GLIS3: variants seen among roughly 807,000 people sequenced by gnomAD.
GLIS3 encodes the protein zinc finger protein GLIS3.
GLIS3 carries 53 observed loss-of-function variants against 78.6 expected under a neutral mutation model. The observed-to-expected ratio is 0.67, with a 90% CI of 0.54 to 0.85. GLIS3 has a LOEUF of 0.85. GLIS3 is among the 40% of genes least tolerant of loss of function. The pLI, the probability that GLIS3 is intolerant of heterozygous loss-of-function variation, is 0.00. For missense variants in GLIS3, 1,703 were observed against 1,231.1 expected (o/e 1.38, Z -5.74); for synonymous variants, 684 against 509.9 (o/e 1.34, Z -4.60).
At chr9:4,484,494 C>T in the GLIS3 span, among the ~76,000 whole-genome samples, 12 of 134,626 alleles carry the variant, frequency 8.9e-5, no homozygotes, top group Admixed American at 3.6e-4. Flanking sequence ...TCTCAGCTCA[C>T]CTTAACCTCT....
chr9:4,482,168 G>A, the GLIS3 span, among the ~76,000 whole-genome samples: 1 of 152,182 alleles, frequency 6.6e-6, no homozygotes. Context: ...GAGGCAGACA[G>A]AGAACTTTTC....
chr9:3,831,600 A>G (rs576295655), intron 9 of GLIS3, among the ~76,000 whole-genome samples: 3 of 152,340 alleles, frequency 2.0e-5, no homozygotes, highest in East Asian at 1.9e-4. Flanking sequence ...CTATTGGATT[A>G]AGGAAATACA....
chr9:3,984,702 G>A (rs1819590487), intron 4 of GLIS3, among the ~76,000 whole-genome samples: 2 of 152,058 alleles, frequency 1.3e-5, no homozygotes, highest in African/African-American at 4.8e-5. Flanking sequence ...AATTTTGGAG[G>A]GGCCAGGGAC....
At chr9:3,987,783 A>C (rs1388740439) in intron 4 of GLIS3, among the ~76,000 whole-genome samples, 6 of 146,324 alleles carry the variant, frequency 4.1e-5, no homozygotes, top group African/African-American at 7.5e-5. Context: ...AAAAAAAAAA[A>C]AAAAACAAAA....
intron 2 of GLIS3, among the ~76,000 whole-genome samples, chr9:4,269,393 G>C (rs1826302052): frequency 6.6e-6 from 1 of 152,114 alleles, no homozygotes; most frequent in South Asian, 2.1e-4. Context: ...TCTTATTTAG[G>C]CTACACTTAT....
chr9:3,874,944 C>T (rs1478226446), intron 8 of GLIS3, among the ~76,000 whole-genome samples: 7 of 152,140 alleles, frequency 4.6e-5, no homozygotes, highest in Non-Finnish European at 8.8e-5. Flanking sequence ...ACAAAGCGCA[C>T]TGTTTGTGGC....
At position 3,991,885 on chromosome 9, in the gene GLIS3, T is replaced by C. The variant is rs559216781; in HGVS notation, c.1711-54696A>G. ...TTTTGTATTTTTAGTAGAGACGGGG[T>C]TTCACCGTATTGGCCAGGACAGTCT... On this transcript the variant is annotated intron_variant, in intron 4 of 10. Transcript: ENST00000381971. Among the ~76,000 whole-genome samples the C allele has an allele frequency of 2.8e-3, 419 of 151,964 alleles. 4 individuals are homozygous for C. The highest frequency in any genetic ancestry group is 7.7e-3 in the South Asian group (37 of 4,794).
At chr9:3,837,753 G>C (rs1818442044) in intron 9 of GLIS3, among the ~76,000 whole-genome samples, 1 of 152,164 alleles carries the variant, frequency 6.6e-6, no homozygotes, top group African/African-American at 2.4e-5. Context: ...ATAAGTCCGT[G>C]GTTTCCACAG....
chr9:4,212,014 G>C (rs1340994926), intron 2 of GLIS3, among the ~76,000 whole-genome samples: 1 of 152,182 alleles, frequency 6.6e-6, no homozygotes, highest in South Asian at 2.1e-4. Flanking sequence ...CCTGGGGCTG[G>C]GAGTGGGAAA....
chr9:4,456,003 G>C, the GLIS3 span, among the ~76,000 whole-genome samples: 1 of 152,094 alleles, frequency 6.6e-6, no homozygotes, highest in Non-Finnish European at 1.5e-5. Flanking sequence ...AGCTACTCAG[G>C]AGGCTGAGGC....
intron 5 of GLIS3, among the ~76,000 whole-genome samples, chr9:3,933,773 T>C (rs2130783889): frequency 6.6e-6 from 1 of 152,368 alleles, no homozygotes; most frequent in South Asian, 2.1e-4. Context: ...TGTGCATGTA[T>C]GTCATTCTGT....
At chr9:4,244,718 G>A (rs899259212) in intron 2 of GLIS3, among the ~76,000 whole-genome samples, 1 of 152,046 alleles carries the variant, frequency 6.6e-6, no homozygotes, top group Non-Finnish European at 1.5e-5. Flanking sequence ...GGGATTAGAG[G>A]TGTCCGCCAC....
intron 4 of GLIS3, among the ~76,000 whole-genome samples, chr9:3,991,804 C>G (rs897445467): frequency 1.1e-4 from 17 of 151,634 alleles, no homozygotes; most frequent in Admixed American, 1.1e-3. Context: ...CATTCTCCTG[C>G]CTCAGCCTCC....
intron 4 of GLIS3, among the ~76,000 whole-genome samples, chr9:4,006,211 C>A (rs556481768): frequency 2.0e-4 from 30 of 150,856 alleles, no homozygotes; most frequent in Non-Finnish European, 8.8e-5. Flanking sequence ...CTCTTTTTCA[C>A]GCTCCTTGCC....
At chr9:4,342,101 A>T (rs1026737230) in intron 2 of GLIS3, among the ~76,000 whole-genome samples, 1 of 152,136 alleles carries the variant, frequency 6.6e-6, no homozygotes, top group Non-Finnish European at 1.5e-5. Flanking sequence ...TCTTTAGTTT[A>T]ATTAGGTCCC....
At chr9:3,901,657 A>C (rs762410487) in intron 6 of GLIS3, among the ~76,000 whole-genome samples, 35 of 152,244 alleles carry the variant, frequency 2.3e-4, no homozygotes, top group Non-Finnish European at 4.3e-4. Flanking sequence ...TAGCCCAAGG[A>C]TATGAAAGTG....
intron 4 of GLIS3, among the ~76,000 whole-genome samples, chr9:4,076,293 T>C (rs984406768): frequency 6.6e-6 from 1 of 152,116 alleles, no homozygotes; most frequent in Non-Finnish European, 1.5e-5. Context: ...AGTAACATAA[T>C]TGCAAAAGAA....
intron 2 of GLIS3, among the ~76,000 whole-genome samples, chr9:4,200,624 G>T (rs1368730728): frequency 6.6e-6 from 1 of 151,908 alleles, no homozygotes; most frequent in East Asian, 1.9e-4. Flanking sequence ...TTAAAACCCT[G>T]AACAGACCAA....
intron 4 of GLIS3, among the ~76,000 whole-genome samples, chr9:3,987,011 C>A (rs899503761): frequency 6.6e-6 from 1 of 152,134 alleles, no homozygotes; most frequent in Non-Finnish European, 1.5e-5. Context: ...TGAATTAGAT[C>A]TTGAAATGAT....
Sources: gnomAD v4.1 joint callset for allele counts (sites outside exome capture counted in the v4.1 genomes callset) on GRCh38, gnomAD v4.1.1 for gene constraint, MANE v1.5 for transcripts, NCBI Gene and HGNC (gene_info 2026-07-23, HGNC 2026-07-21) for gene names.